KLHL2: variants seen among roughly 807,000 people sequenced by gnomAD.
KLHL2 encodes the protein kelch-like protein 2.
In KLHL2, 15 loss-of-function variants were observed where a neutral mutation model predicts 75.8. The ratio of observed to expected loss-of-function variants is 0.20; its 90% confidence interval spans 0.13 to 0.30. The LOEUF is 0.30. Ranked by LOEUF, KLHL2 falls within the 10% of genes least tolerant of loss-of-function variation. KLHL2 has a pLI of 1.00. For missense variants in KLHL2, 381 were observed against 741.0 expected (o/e 0.51, Z 5.64); for synonymous variants, 214 against 251.9 (o/e 0.85, Z 1.42).
chr4:165,303,366 C>T (rs1457143084), intron 8 of KLHL2, among the ~76,000 whole-genome samples: 3 of 151,882 alleles, frequency 2.0e-5, no homozygotes, highest in Non-Finnish European at 4.4e-5. Flanking sequence ...AAAAATTGGT[C>T]TTCATCAGAT....
At position 165,322,340 on chromosome 4, in the gene KLHL2, A is replaced by G. The variant is rs1198856002; in HGVS notation, c.*280A>G. The G allele has an allele frequency of 2.7e-6, 1 of 367,242 alleles. No homozygotes were observed. Among genetic ancestry groups the G allele is most frequent in the Non-Finnish European group, 4.9e-6 (1 of 203,176 alleles). The allele number at this position is 367,242 out of a possible 1,614,324, so 22.7% of individuals were successfully genotyped here. On this transcript the variant is annotated 3_prime_UTR_variant, in exon 15 of 15. Coordinates refer to ENST00000226725, the MANE Select transcript of KLHL2 (RefSeq NM_007246.4). The stretch of plus-strand genomic sequence containing the variant: ...GTCTTTAGACAACAGTTGCTTTCAT[A>G]AAGACTAGTTCTTATCAACCTTGAA...
At chr4:165,266,036 C>G (rs945195265) in intron 5 of KLHL2, among the ~76,000 whole-genome samples, 1 of 152,186 alleles carries the variant, frequency 6.6e-6, no homozygotes, top group Admixed American at 6.5e-5. Flanking sequence ...GATGGTATCT[C>G]ACTGTGGTTT....
chr4:165,283,018 A>G (rs1456671484), intron 5 of KLHL2, among the ~76,000 whole-genome samples: 1 of 152,046 alleles, frequency 6.6e-6, no homozygotes, highest in Non-Finnish European at 1.5e-5. Flanking sequence ...GGAAGCTCCC[A>G]TTTTTAAAAC....
intron 4 of KLHL2, among the ~76,000 whole-genome samples, chr4:165,252,999 C>T (rs1413819796): frequency 6.6e-6 from 1 of 152,158 alleles, no homozygotes; most frequent in East Asian, 1.9e-4. Context: ...TTAATATTGG[C>T]ATATAACACA....
chr4:165,249,099 C>T (rs1276000813), intron 4 of KLHL2, among the ~76,000 whole-genome samples: 2 of 152,170 alleles, frequency 1.3e-5, no homozygotes, highest in Admixed American at 1.3e-4. Context: ...GCTCATGGTG[C>T]AATTCCTGGA....
chr4:165,219,223 A>G (rs925200957), intron 1 of KLHL2, among the ~76,000 whole-genome samples: 3 of 152,264 alleles, frequency 2.0e-5, no homozygotes, highest in African/African-American at 7.2e-5. Flanking sequence ...ATATTAGTGA[A>G]AAGAACAAGA....
intron 2 of KLHL2, among the ~76,000 whole-genome samples, chr4:165,226,733 AATTATTT>A (rs1417478768): frequency 5.9e-5 from 9 of 152,086 alleles, no homozygotes; most frequent in Non-Finnish European, 1.0e-4. Flanking sequence ...TCAAAAAATA[AATTATTT>A]ATTATTTATT....
In KLHL2 at chr4:165,322,067, A is replaced by G. The variant is rs374758205; in HGVS notation, c.*7A>G. On this transcript the variant is annotated 3_prime_UTR_variant, in exon 15 of 15. Transcript: ENST00000226725. ...TATTGATAAACCATTATGAGCCTGA[A>G]GGACATTTTCAGCATATTTATACAT... 32 of 1,612,584 alleles carry G rather than the reference A, an allele frequency of 2.0e-5. No homozygotes were observed. Among genetic ancestry groups the G allele is most frequent in the Non-Finnish European group, 2.6e-5 (31 of 1,178,764 alleles).
intron 5 of KLHL2, among the ~76,000 whole-genome samples, chr4:165,285,184 G>T (rs866072901): frequency 7.9e-5 from 12 of 152,072 alleles, no homozygotes; most frequent in Admixed American, 4.6e-4. Flanking sequence ...AATTTTTGAG[G>T]TTACGAATAC....
intron 4 of KLHL2, among the ~76,000 whole-genome samples, chr4:165,259,659 G>A (rs1579061111): frequency 6.6e-6 from 1 of 152,314 alleles, no homozygotes; most frequent in East Asian, 1.9e-4. Context: ...GTAAATGGAA[G>A]TAACTGCAAT....
At chr4:165,217,760 C>A (rs1737649223) in intron 1 of KLHL2, among the ~76,000 whole-genome samples, 1 of 152,156 alleles carries the variant, frequency 6.6e-6, no homozygotes, top group South Asian at 2.1e-4. Context: ...ACCAGTGATT[C>A]CCACATTTCT....
rs144274429 is a variant in KLHL2 at position 165,303,601 on chromosome 4, C to T, written c.922-2007C>T. The stretch of plus-strand genomic sequence containing the variant: ...TTTTTGAGATAGAGTGTCGCTCTTT[C>T]GCCCAGGCTGGAGTGCATTAGTGCA... On this transcript the variant is annotated intron_variant, in intron 8 of 14. Coordinates refer to ENST00000226725, the MANE Select transcript of KLHL2 (RefSeq NM_007246.4). Among the ~76,000 whole-genome samples the T allele has an allele frequency of 6.3e-3, 958 of 151,104 alleles. 40 individuals are homozygous for T. Among genetic ancestry groups the T allele is most frequent in the Admixed American group, 0.057 (867 of 15,152 alleles).
chr4:165,297,747 A>G, intron 7 of KLHL2, 22 bp downstream of exon 7: 2 of 1,356,604 alleles, frequency 1.5e-6, no homozygotes, highest in Non-Finnish European at 2.1e-6. Context: ...TGCAAAACAT[A>G]TGAATCCACA....
At chr4:165,281,184 A>G (rs370406385) in intron 5 of KLHL2, among the ~76,000 whole-genome samples, 1 of 152,194 alleles carries the variant, frequency 6.6e-6, no homozygotes, top group Admixed American at 6.5e-5. Flanking sequence ...GAAATCAAAT[A>G]CAAAGGGTAC....
At chr4:165,247,671 T>A (rs1740372824) in intron 4 of KLHL2, among the ~76,000 whole-genome samples, 1 of 152,126 alleles carries the variant, frequency 6.6e-6, no homozygotes, top group Non-Finnish European at 1.5e-5. Flanking sequence ...GTTAGTGGCT[T>A]GGATGGTGGA....
chr4:165,210,609 T>C (rs1309139977), intron 1 of KLHL2, among the ~76,000 whole-genome samples: 1 of 152,230 alleles, frequency 6.6e-6, no homozygotes, highest in Admixed American at 6.5e-5. Context: ...TGATCAAACC[T>C]GAAAGATGTG....
At chr4:165,310,853 GTGTT>G in intron 10 of KLHL2, 103 bp downstream of exon 10, 1 of 725,302 alleles carries the variant, frequency 1.4e-6, no homozygotes. Flanking sequence ...GAGGTTTTTT[GTGTT>G]TTTTTTTTTT....
intron 1 of KLHL2, among the ~76,000 whole-genome samples, chr4:165,209,624 G>A (rs938428481): frequency 1.3e-5 from 2 of 152,160 alleles, no homozygotes; most frequent in African/African-American, 2.4e-5. Flanking sequence ...GATGACCAGC[G>A]CCATTTTTGG....
intron 5 of KLHL2, among the ~76,000 whole-genome samples, chr4:165,267,151 C>T (rs1159484505): frequency 1.3e-5 from 2 of 152,094 alleles, no homozygotes; most frequent in African/African-American, 2.4e-5. Flanking sequence ...GTGATTTTTG[C>T]ACATTGATTT....
Sources: allele counts gnomAD v4.1 joint callset (sites outside exome capture counted in the v4.1 genomes callset), GRCh38; gene constraint gnomAD v4.1.1; transcripts MANE v1.5; gene names NCBI Gene and HGNC (gene_info 2026-07-23, HGNC 2026-07-21).